The following TSPAN9 variants were observed in gnomAD, a reference collection of about 807,000 sequenced individuals.
TSPAN9 encodes tetraspanin 9.
TSPAN9 carries 16 observed loss-of-function variants against 31.0 expected under a neutral mutation model. The observed-to-expected ratio is 0.52, with a 90% confidence interval of 0.35 to 0.78. The LOEUF is 0.78. TSPAN9 is among the 30% of genes least tolerant of loss of function. The probability of loss-of-function intolerance (pLI) is 0.01; values close to 1 mark genes in which losing one functional copy is unlikely to be tolerated. For synonymous variants in TSPAN9, 145 were observed against 121.6 expected (o/e 1.19, Z -1.27); for missense variants, 272 against 312.5 (o/e 0.87, Z 0.98).
At chr12:3,219,761 T>C (rs960273800) in intron 3 of TSPAN9, among the ~76,000 whole-genome samples, 8 of 150,330 alleles carry the variant, frequency 5.3e-5, no homozygotes, top group Non-Finnish European at 7.4e-5. Flanking sequence ...CTAATGTAGA[T>C]GATGGGTGTA....
chr12:3,237,393 C>T (rs533439705), intron 3 of TSPAN9, among the ~76,000 whole-genome samples: 11 of 152,280 alleles, frequency 7.2e-5, no homozygotes, highest in African/African-American at 2.6e-4. Flanking sequence ...CGTTCTGGTC[C>T]CTGTATTTCC....
intron 3 of TSPAN9, among the ~76,000 whole-genome samples, chr12:3,205,651 C>T (rs962740990): frequency 2.6e-5 from 4 of 152,058 alleles, no homozygotes; most frequent in African/African-American, 9.7e-5. Context: ...TGGGTTCAGA[C>T]CTGGCCTCAC....
chr12:3,148,806 T>G (rs538594022), intron 2 of TSPAN9, among the ~76,000 whole-genome samples: 2 of 152,292 alleles, frequency 1.3e-5, no homozygotes, highest in African/African-American at 4.8e-5. Context: ...CCCATCCAGC[T>G]GTTGTCCACC....
intron 3 of TSPAN9, among the ~76,000 whole-genome samples, chr12:3,226,042 T>C (rs1014209831): frequency 6.0e-5 from 9 of 151,202 alleles, no homozygotes; most frequent in African/African-American, 2.2e-4. Context: ...GGGGTCAGAG[T>C]TGTGGTTCTG....
At chr12:3,157,107 T>G (rs1327469801) in intron 2 of TSPAN9, among the ~76,000 whole-genome samples, 4 of 151,808 alleles carry the variant, frequency 2.6e-5, no homozygotes, top group East Asian at 1.9e-4. Context: ...GTGGTGTTTT[T>G]TTTTTTTTTT....
intron 2 of TSPAN9, among the ~76,000 whole-genome samples, chr12:3,188,441 G>A (rs1437626498): frequency 6.6e-6 from 1 of 152,152 alleles, no homozygotes; most frequent in Non-Finnish European, 1.5e-5. Flanking sequence ...GGCTGCACCA[G>A]GGTGCTAGTC....
chr12:3,087,648 A>G (rs960474310), intron 2 of TSPAN9, among the ~76,000 whole-genome samples: 1 of 152,042 alleles, frequency 6.6e-6, no homozygotes, highest in Non-Finnish European at 1.5e-5. Flanking sequence ...TCTACTAAAA[A>G]TACAAAAATT....
At chr12:3,236,658 G>A (rs897834316) in intron 3 of TSPAN9, among the ~76,000 whole-genome samples, 4 of 152,178 alleles carry the variant, frequency 2.6e-5, no homozygotes, top group African/African-American at 9.7e-5. Context: ...ATGGAGGCGG[G>A]GGTAGAGAAG....
chr12:3,163,667 G>A (rs752230377), intron 2 of TSPAN9, among the ~76,000 whole-genome samples: 15 of 152,172 alleles, frequency 9.9e-5, no homozygotes, highest in South Asian at 2.1e-4. Context: ...AGGTATTTAC[G>A]AGAGACAGAT....
intron 3 of TSPAN9, among the ~76,000 whole-genome samples, chr12:3,265,488 T>C (rs1862521720): frequency 6.6e-6 from 1 of 152,372 alleles, no homozygotes; most frequent in South Asian, 2.1e-4. Context: ...AAAGGTCCAC[T>C]GAGCTGCAAA....
chr12:3,252,040 G>C (rs867601773), intron 3 of TSPAN9, among the ~76,000 whole-genome samples: 15 of 152,214 alleles, frequency 9.9e-5, no homozygotes, highest in African/African-American at 2.2e-4. Context: ...GTGAGGGGTC[G>C]TTTTTTACTT....
intron 3 of TSPAN9, among the ~76,000 whole-genome samples, chr12:3,214,385 C>G (rs2153974274): frequency 6.6e-6 from 1 of 152,340 alleles, no homozygotes; most frequent in African/African-American, 2.4e-5. Flanking sequence ...AACTCACTGC[C>G]TGGACAAAGC....
intron 2 of TSPAN9, among the ~76,000 whole-genome samples, chr12:3,156,208 C>T (rs938118990): frequency 7.9e-5 from 12 of 152,212 alleles, no homozygotes; most frequent in African/African-American, 2.9e-4. Flanking sequence ...TTTGATGATT[C>T]CCTGAGAGGA....
intron 3 of TSPAN9, among the ~76,000 whole-genome samples, chr12:3,213,976 T>G (rs2098380116): frequency 1.3e-5 from 2 of 152,178 alleles, no homozygotes; most frequent in African/African-American, 4.8e-5. Context: ...CAGTTAACTC[T>G]CGCTTGTATC....
At chr12:3,257,685 G>A (rs1862373990) in intron 3 of TSPAN9, among the ~76,000 whole-genome samples, 1 of 149,122 alleles carries the variant, frequency 6.7e-6, no homozygotes, top group African/African-American at 2.5e-5. Flanking sequence ...GCAGCCTGCT[G>A]CCTGTCCTGT....
chr12:3,266,778 G>A (rs1172565622), intron 3 of TSPAN9, among the ~76,000 whole-genome samples: 1 of 152,204 alleles, frequency 6.6e-6, no homozygotes, highest in East Asian at 1.9e-4. Flanking sequence ...GCTGGCGTGG[G>A]TGGACGCGGC....
chr12:3,087,562 C>G (rs1205680247), intron 2 of TSPAN9, among the ~76,000 whole-genome samples: 1 of 152,120 alleles, frequency 6.6e-6, no homozygotes, highest in African/African-American at 2.4e-5. Context: ...AATGCCAGCG[C>G]TTTGGAAAGC....
chr12:3,152,835 G>A (rs180954602), intron 2 of TSPAN9, among the ~76,000 whole-genome samples: 2,344 of 152,282 alleles, frequency 0.015, 33 homozygotes, highest in Non-Finnish European at 0.024. Context: ...TGATCCACCC[G>A]CCTTGGCCTC....
intron 3 of TSPAN9, among the ~76,000 whole-genome samples, chr12:3,265,280 A>C (rs1018645303): frequency 1.3e-5 from 2 of 152,212 alleles, no homozygotes; most frequent in African/African-American, 2.4e-5. Context: ...TGCTCACTAC[A>C]TCAGTGAGTT....
Sources: gnomAD v4.1 joint callset for allele counts (sites outside exome capture counted in the v4.1 genomes callset) on GRCh38, gnomAD v4.1.1 for gene constraint, MANE v1.5 for transcripts, NCBI Gene and HGNC (gene_info 2026-07-23, HGNC 2026-07-21) for gene names.